Variants in RESF1 observed in about 807,000 individuals in gnomAD.
The protein encoded by RESF1 is gonad expressed transcript.
RESF1 carries 65 observed loss-of-function variants against 134.7 expected under a neutral mutation model. The observed-to-expected ratio is 0.48, with a 90% CI of 0.40 to 0.59. RESF1 has a LOEUF of 0.59. RESF1 is among the 20% of genes least tolerant of loss of function. The pLI, the probability that RESF1 is intolerant of heterozygous loss-of-function variation, is 0.00. For missense variants in RESF1, 2,274 were observed against 2,002.7 expected, an observed-to-expected ratio of 1.14 and a Z score of -2.59; for synonymous variants, 762 against 702.2, an observed-to-expected ratio of 1.09 and a Z score of -1.35.
At chr12:31,988,477 G>A (rs1487888984) in intron 5 of RESF1, among the ~76,000 whole-genome samples, 1 of 152,100 alleles carries the variant, frequency 6.6e-6, no homozygotes, top group African/African-American at 2.4e-5. Context: ...TATGCTTTAG[G>A]TTATATACAA....
At chr12:31,975,713 A>C (rs945136397) in intron 3 of RESF1, among the ~76,000 whole-genome samples, 1 of 152,202 alleles carries the variant, frequency 6.6e-6, no homozygotes, top group African/African-American at 2.4e-5. Flanking sequence ...CTGTGTTTCA[A>C]TCTTTATATA....
intron 1 of RESF1, among the ~76,000 whole-genome samples, 154 bp from the exon 2 acceptor site, chr12:31,960,623 A>G (rs1436129361): frequency 6.6e-6 from 1 of 152,162 alleles, no homozygotes; most frequent in East Asian, 1.9e-4. Context: ...CCTAGTTTCT[A>G]TTTCTGTTAC....
chr12:31,992,589 C>G lies in RESF1; in HGVS notation c.*54C>G. 6.6e-7 allele frequency: 1 copy of G among 1,521,828 alleles called. No homozygotes were observed. Among genetic ancestry groups the G allele is most frequent in the African/African-American group, 1.4e-5 (1 of 72,266 alleles). 94.3% of individuals were successfully genotyped at this position (1,521,828 alleles called of 1,614,324 possible). ...TGGGAAATTTCTTTCCTTTTCTGTTCAAAATATTTCGCTGAAACTAATGAG... is the reference window on the plus strand; with the variant it reads ...TGGGAAATTTCTTTCCTTTTCTGTTGAAAATATTTCGCTGAAACTAATGAG... On this transcript the variant is annotated 3_prime_UTR_variant, in exon 6 of 6. Transcript: ENST00000312561.
chr12:31,962,036 C>A (rs1939280938), intron 2 of RESF1, among the ~76,000 whole-genome samples: 1 of 152,038 alleles, frequency 6.6e-6, no homozygotes, highest in South Asian at 2.1e-4. Flanking sequence ...CAGCCCTGGC[C>A]TCAAGTTGGC....
chr12:31,964,220 A>AAC (rs1413065845), intron 2 of RESF1, among the ~76,000 whole-genome samples: 2 of 102,710 alleles, frequency 1.9e-5, no homozygotes, highest in Admixed American at 9.4e-5. Context: ...GGGTTTGTGG[A>AAC]ACATTATTTA....
chr12:31,979,209 T>C (rs1227083719), intron 3 of RESF1, among the ~76,000 whole-genome samples: 4 of 152,194 alleles, frequency 2.6e-5, no homozygotes, highest in Non-Finnish European at 2.9e-5. Flanking sequence ...CGTGAGCCAC[T>C]GCACCTGGCC....
rs1210028340 is a variant in RESF1 at position 31,968,437 on chromosome 12, C to T, written c.-246-1752C>T. On this transcript the variant is annotated intron_variant, in intron 2 of 5. Transcript: ENST00000312561. ...GGACTTTTTCCCATCTATAAGTTTA[C>T]ATTAGGACTTCTCTTTTTTTTTTTT... 5.1e-4 allele frequency among the ~76,000 whole-genome samples: 76 copies of T among 148,918 alleles called. 2 individuals are homozygous for T. Among genetic ancestry groups the T allele is most frequent in the Non-Finnish European group, 1.2e-4 (8 of 67,534 alleles).
chr12:31,971,484 A>G (rs772971351), intron 3 of RESF1, among the ~76,000 whole-genome samples: 2 of 152,142 alleles, frequency 1.3e-5, no homozygotes, highest in African/African-American at 4.8e-5. Context: ...ATACTTTTTC[A>G]TCATTTTACT....
At chr12:31,969,875 GC>G (rs1245467156) in intron 2 of RESF1, among the ~76,000 whole-genome samples, 2 of 152,186 alleles carry the variant, frequency 1.3e-5, no homozygotes, top group Non-Finnish European at 2.9e-5. Flanking sequence ...ACAGGTGTGA[GC>G]CACTGTGCCC....
intron 2 of RESF1, among the ~76,000 whole-genome samples, chr12:31,967,385 T>A (rs1185682972): frequency 6.6e-6 from 1 of 152,248 alleles, no homozygotes; most frequent in Non-Finnish European, 1.5e-5. Context: ...GTTCTTTACA[T>A]ACAGATTTTC....
At chr12:31,960,090 C>T (rs1349856849) in intron 1 of RESF1, among the ~76,000 whole-genome samples, 3 of 152,006 alleles carry the variant, frequency 2.0e-5, no homozygotes, top group Admixed American at 6.6e-5. Flanking sequence ...TCTGCGCCGG[C>T]GATGGTTTCT....
rs765393724 is a variant in RESF1 at position 31,983,812 on chromosome 12, G to C, written c.2857G>C (p.Gly953Arg). 6.2e-7 allele frequency: 1 copy of C among 1,611,960 alleles called. No homozygotes were observed. The highest frequency in any genetic ancestry group is 8.5e-7 in the Non-Finnish European group (1 of 1,179,722). Residue 953 changes from glycine to arginine, a missense_variant, in exon 4 of 6, where the codon GGT becomes CGT. Transcript: ENST00000312561. ...TAATACCACTGAAAATAAAGACTTT[G>C]GTTTTCAAAAAGATAAACCTGTACA... is the stretch of plus-strand genomic sequence containing the variant. ...LDNTTENKDF[G>R]FQKDKPVQCT...
chr12:31,982,191 G>GAAAATT lies in RESF1; in HGVS notation c.1242_1247dup (p.Lys415_Ile416dup), dbSNP rs1179384605. Reference sequence around the variant, plus strand: ...AACAGAAGTTTTCAGAACTTGCAAGGAAAATTAAAATCAATAAAGATCTTT... The same window carrying GAAAATT: ...AACAGAAGTTTTCAGAACTTGCAAGGAAAATTAAAATTAAAATCAATAAAGATCTTT... On this transcript the variant is annotated inframe_insertion, in exon 4 of 6. Coordinates refer to ENST00000312561, the MANE Select transcript of RESF1 (RefSeq NM_018169.4). 6.2e-7 allele frequency: 1 copy of GAAAATT among 1,611,208 alleles called. No individual in the cohort carries two copies. Among genetic ancestry groups the GAAAATT allele is most frequent in the Non-Finnish European group, 8.5e-7 (1 of 1,179,394 alleles).
At chr12:31,968,072 TTTG>T (rs1415923758) in intron 2 of RESF1, among the ~76,000 whole-genome samples, 4 of 152,196 alleles carry the variant, frequency 2.6e-5, no homozygotes, top group African/African-American at 9.6e-5. Flanking sequence ...GTATTGGTGG[TTTG>T]TTAACTTTCT....
intron 3 of RESF1, among the ~76,000 whole-genome samples, chr12:31,979,888 C>T (rs1268079726): frequency 4.0e-5 from 6 of 151,322 alleles, no homozygotes; most frequent in Admixed American, 2.0e-4. Context: ...TCTCCAGCTC[C>T]CCCCACCACT....
intron 4 of RESF1, 54 bp downstream of exon 4, chr12:31,986,011 AATATTTGGGCTAGCACCTCTC>A: frequency 8.0e-7 from 1 of 1,249,940 alleles, no homozygotes; most frequent in Non-Finnish European, 1.0e-6. Flanking sequence ...GTCGTAGGTC[AATATTTGGGCTAGCACCTCTC>A]ATGCTGTCTT....
At position 31,984,172 on chromosome 12, in the gene RESF1, G is replaced by A. The variant is rs1226795030; in HGVS notation, c.3217G>A (p.Glu1073Lys). ...PYGIEAVNTR[E>K]GSVGQQTTYQ... The stretch of plus-strand genomic sequence containing the variant: ...TGGCATTGAGGCTGTGAATACACGT[G>A]AAGGTTCTGTGGGCCAGCAAACTAC... Residue 1073 changes from glutamate (E) to lysine (K), a missense_variant, in exon 4 of 6, where the codon GAA becomes AAA. Physicochemically the swap from Glu to Lys is moderately conservative, Grantham distance 56 (BLOSUM62 1). Transcript: ENST00000312561. The A allele has an allele frequency of 6.2e-7, 1 of 1,613,118 alleles. No homozygotes were observed. Among genetic ancestry groups the A allele is most frequent in the Middle Eastern group, 1.6e-4 (1 of 6,062 alleles).
rs776361963 is a variant in RESF1, at chr12:31,992,424, A to AT, written c.5136dup (p.Glu1713Ter). On this transcript the variant is annotated frameshift_variant, in exon 6 of 6. Transcript: ENST00000312561. LOFTEE classifies it low-confidence loss of function (END_TRUNC). ...CGAAGAGAAGCTTCAGTGCAGATGGATTTGAGATGCTACAAAACCCAGTAA... is the reference window on the plus strand; with the variant it reads ...CGAAGAGAAGCTTCAGTGCAGATGGATTTTGAGATGCTACAAAACCCAGTAA... 6.2e-7 allele frequency: 1 copy of AT among 1,613,756 alleles called. No individual in the cohort carries two copies. The highest frequency in any genetic ancestry group is 2.2e-5 in the East Asian group (1 of 44,840).
In RESF1 at chr12:31,985,804, C is replaced by G; in HGVS notation, c.4849C>G (p.His1617Asp). Residue 1617 changes from histidine (H) to aspartate (D), a missense_variant, in exon 4 of 6, where the codon CAT becomes GAT. His to Asp is a moderately conservative substitution (Grantham distance 81, BLOSUM62 -1). Transcript: ENST00000312561. ...LHKDKRQENK[H>D]KTFLPVKGNT... ...TAAAGATAAGAGACAGGAAAATAAACATAAGACCTTTTTACCGGTGAAAGG... is the reference window on the plus strand; with the variant it reads ...TAAAGATAAGAGACAGGAAAATAAAGATAAGACCTTTTTACCGGTGAAAGG... 6.4e-7 allele frequency: 1 copy of G among 1,566,808 alleles called. No homozygotes were observed.
Sources: gnomAD v4.1 joint callset for allele counts (sites outside exome capture counted in the v4.1 genomes callset) on GRCh38, gnomAD v4.1.1 for gene constraint, MANE v1.5 for transcripts, NCBI Gene and HGNC (gene_info 2026-07-23, HGNC 2026-07-21) for gene names.